CDKN2B-AS1: variants seen among roughly 807,000 people sequenced by gnomAD.
The protein encoded by CDKN2B-AS1 is CDKN2B antisense RNA 1 (non-protein coding).
At position 22,090,004 on chromosome 9, in the gene CDKN2B-AS1, T is replaced by A. The variant is rs529734053; in HGVS notation, n.438+33617T>A. On this transcript the variant is annotated intron_variant and non_coding_transcript_variant, in intron 4 of 4. Transcript: ENST00000650946. ...CCCCCCACCCCACAACAGGCCCCGG[T>A]GTGTGATGTTCCCCTTCCTGTGTCC... Among the ~76,000 whole-genome samples the A allele has an allele frequency of 3.6e-4, 43 of 117,874 alleles. No individual in the cohort carries two copies. In the East Asian group the frequency reaches 6.7e-3, roughly 18 times the overall value. 77.3% of individuals were successfully genotyped at this position (117,874 alleles called of 152,430 possible). A position where few individuals can be genotyped will look rare whatever the true frequency, so the allele number is the denominator to read the frequency against.
intron 4 of CDKN2B-AS1, among the ~76,000 whole-genome samples, chr9:22,087,206 T>G (rs1326362184): frequency 6.6e-6 from 1 of 152,216 alleles, no homozygotes; most frequent in African/African-American, 2.4e-5. Flanking sequence ...AACTTTAAGG[T>G]AAGTTTTCTT....
intron 4 of CDKN2B-AS1, among the ~76,000 whole-genome samples, chr9:22,109,417 A>G (rs1587543235): frequency 6.6e-6 from 1 of 152,200 alleles, no homozygotes; most frequent in Admixed American, 6.5e-5. Context: ...TAGAGTAAAT[A>G]GAGTTTGTTT....
chr9:22,108,419 T>C (rs1825714166), intron 4 of CDKN2B-AS1, among the ~76,000 whole-genome samples: 1 of 152,112 alleles, frequency 6.6e-6, no homozygotes, highest in Non-Finnish European at 1.5e-5. Context: ...ATCGGGCACG[T>C]TCAGGGTGGT....
chr9:22,025,461 G>A (rs1012509331), intron 1 of CDKN2B-AS1, among the ~76,000 whole-genome samples: 2 of 152,168 alleles, frequency 1.3e-5, no homozygotes, highest in African/African-American at 4.8e-5. Flanking sequence ...GAGTTGCTGA[G>A]TTGCTATTGG....
chr9:22,006,005 G>A lies in CDKN2B-AS1; in HGVS notation n.29+10844G>A. On this transcript the variant is annotated intron_variant and non_coding_transcript_variant, in intron 1 of 4. Coordinates refer to ENST00000650946, the Ensembl canonical transcript of CDKN2B-AS1. The surrounding 1 kb of genome is among the most constrained non-coding windows in gnomAD (Gnocchi z 6.4). Reference sequence around the variant, plus strand: ...CCTGGCGTCAGTCCCCCGTGGCTGTGCGCAGGTACCCTGCAACGTCGCGGT... The same window carrying A: ...CCTGGCGTCAGTCCCCCGTGGCTGTACGCAGGTACCCTGCAACGTCGCGGT... 2 of 1,603,074 alleles carry A rather than the reference G, an allele frequency of 1.2e-6. No homozygotes were observed. The highest frequency in any genetic ancestry group is 8.5e-7 in the Non-Finnish European group (1 of 1,179,770).
chr9:22,126,529 T>A (rs1227304170), intron 4 of CDKN2B-AS1, among the ~76,000 whole-genome samples: 1 of 150,672 alleles, frequency 6.6e-6, no homozygotes, highest in East Asian at 1.9e-4. Context: ...AAGCTTTTCC[T>A]TTTTCTCTTT....
intron 4 of CDKN2B-AS1, among the ~76,000 whole-genome samples, chr9:22,059,971 A>C (rs1823745677): frequency 6.6e-6 from 1 of 152,180 alleles, no homozygotes; most frequent in African/African-American, 2.4e-5. Context: ...TAGGCTGCCC[A>C]TGGCGCAGGG....
intron 1 of CDKN2B-AS1, among the ~76,000 whole-genome samples, chr9:22,015,339 C>T (rs1329023565): frequency 6.6e-6 from 1 of 152,036 alleles, no homozygotes; most frequent in Admixed American, 6.6e-5. Flanking sequence ...TGAAAAAGTC[C>T]ATTCTTTAGT....
In CDKN2B-AS1 at chr9:22,055,993, G is replaced by A. The variant is rs7036489; in HGVS notation, n.303-259G>A. On this transcript the variant is annotated intron_variant and non_coding_transcript_variant, in intron 3 of 4. Coordinates refer to ENST00000650946, the Ensembl canonical transcript of CDKN2B-AS1. The stretch of plus-strand genomic sequence containing the variant: ...TTTTATTAGTGGAGCTAGGAAATAC[G>A]TTACAAAGTTGATAGCATTCTTGAT... Among the ~76,000 whole-genome samples, 392 of 151,420 alleles carry A rather than the reference G, an allele frequency of 2.6e-3. 3 individuals carry two copies. The highest frequency in any genetic ancestry group is 9.0e-3 in the African/African-American group (374 of 41,334).
intron 1 of CDKN2B-AS1, among the ~76,000 whole-genome samples, chr9:22,010,966 A>C (rs1369486950): frequency 6.6e-6 from 1 of 152,252 alleles, no homozygotes; most frequent in Admixed American, 6.5e-5. Flanking sequence ...GAATGGTGAT[A>C]GGGAAAGAAC....
intron 1 of CDKN2B-AS1, among the ~76,000 whole-genome samples, chr9:22,028,979 C>T (rs903362032): frequency 3.3e-5 from 5 of 151,834 alleles, no homozygotes; most frequent in Admixed American, 6.6e-5. Flanking sequence ...TGAAAATGAA[C>T]TTGTTTCTCT....
At chr9:22,127,875 A>G (rs984000812) in exon 5 of CDKN2B-AS1, among the ~76,000 whole-genome samples, 1 of 152,214 alleles carries the variant, frequency 6.6e-6, no homozygotes, top group African/African-American at 2.4e-5. Flanking sequence ...CAAATTTCTC[A>G]ATGTAAGAAA....
intron 4 of CDKN2B-AS1, among the ~76,000 whole-genome samples, chr9:22,085,669 C>T (rs1412931661): frequency 2.0e-5 from 3 of 149,108 alleles, no homozygotes; most frequent in Non-Finnish European, 3.0e-5. Context: ...TGCAGTGAGC[C>T]GAGATCGTGC....
intron 4 of CDKN2B-AS1, among the ~76,000 whole-genome samples, chr9:22,070,761 T>C (rs1365653372): frequency 2.0e-5 from 3 of 152,140 alleles, no homozygotes; most frequent in African/African-American, 7.2e-5. Flanking sequence ...AGCAAGATAT[T>C]AAGATTCCTC....
At chr9:22,082,299 A>G (rs901263297) in intron 4 of CDKN2B-AS1, among the ~76,000 whole-genome samples, 1 of 152,222 alleles carries the variant, frequency 6.6e-6, no homozygotes, top group Non-Finnish European at 1.5e-5. Flanking sequence ...TGCTCTTTAT[A>G]TAACAGTAGC....
At chr9:22,126,402 A>T (rs1484644619) in intron 4 of CDKN2B-AS1, among the ~76,000 whole-genome samples, 1 of 152,104 alleles carries the variant, frequency 6.6e-6, no homozygotes, top group Non-Finnish European at 1.5e-5. Flanking sequence ...TGTCATGTGT[A>T]TGTATTCTTT....
At chr9:22,110,151 C>T (rs959755395) in intron 4 of CDKN2B-AS1, among the ~76,000 whole-genome samples, 6 of 152,098 alleles carry the variant, frequency 3.9e-5, no homozygotes, top group African/African-American at 1.4e-4. Context: ...GATACTTAAT[C>T]CACTATTATT....
chr9:22,025,747 A>C (rs1822207418), intron 1 of CDKN2B-AS1, among the ~76,000 whole-genome samples: 1 of 152,100 alleles, frequency 6.6e-6, no homozygotes, highest in Non-Finnish European at 1.5e-5. Context: ...GCCCGAACAC[A>C]CTGGTAGGAC....
chr9:22,034,314 G>A (rs1267025520), intron 1 of CDKN2B-AS1, among the ~76,000 whole-genome samples: 2 of 152,010 alleles, frequency 1.3e-5, no homozygotes, highest in Non-Finnish European at 2.9e-5. Context: ...TATGATAGGT[G>A]GTAGAAATGA....
Sources: allele counts gnomAD v4.1 joint callset (sites outside exome capture counted in the v4.1 genomes callset), GRCh38; gene constraint gnomAD v4.1.1; non-coding constraint Gnocchi (gnomAD v3.1); transcripts MANE v1.5; gene names NCBI Gene and HGNC (gene_info 2026-07-23, HGNC 2026-07-21).